The following PCLO variants were observed in gnomAD, a reference collection of about 807,000 sequenced individuals.
PCLO encodes the protein protein piccolo.
Under a neutral mutation model 427.5 loss-of-function variants are expected in PCLO, and 82 were observed. The ratio of observed to expected loss-of-function variants is 0.19; its 90% CI spans 0.16 to 0.23. The LOEUF (loss-of-function observed/expected upper bound fraction) is 0.23, where lower values mean the gene tolerates loss of function less well. Among genes scored for constraint, PCLO ranks in the 10% least tolerant of loss-of-function variants. The pLI is 1.00. For synonymous variants in PCLO, 2,357 were observed against 2,155.4 expected (o/e 1.09, Z -2.59); for missense variants, 6,239 against 6,115.9 (o/e 1.02, Z -0.67).
chr7:82,989,500 AT>A (rs1796330363), intron 3 of PCLO, among the ~76,000 whole-genome samples: 1 of 152,118 alleles, frequency 6.6e-6, no homozygotes, highest in African/African-American at 2.4e-5. Flanking sequence ...GAATATGTTC[AT>A]TTGAATATAA....
intron 9 of PCLO, among the ~76,000 whole-genome samples, chr7:82,896,580 C>T (rs1046899109): frequency 6.6e-6 from 1 of 151,480 alleles, no homozygotes; most frequent in South Asian, 2.1e-4. Context: ...GATGATTGCA[C>T]AAGTCCATAA....
At chr7:83,093,492 A>ATATATATATATTTTTTTTTTTTTT in intron 3 of PCLO, among the ~76,000 whole-genome samples, 2 of 59,318 alleles carry the variant, frequency 3.4e-5, no homozygotes, top group Admixed American at 5.8e-4. Context: ...ATATATATAT[A>ATATATATATATTTTTTTTTTTTTT]TTTTTTTTTT....
intron 3 of PCLO, among the ~76,000 whole-genome samples, chr7:83,083,055 CTA>C (rs1197006507): frequency 7.3e-6 from 1 of 136,182 alleles, no homozygotes; most frequent in Non-Finnish European, 1.5e-5. Context: ...ATACAATCAA[CTA>C]TTTTTTTAAA....
At chr7:82,890,256 A>G (rs886858110) in intron 9 of PCLO, among the ~76,000 whole-genome samples, 3 of 152,066 alleles carry the variant, frequency 2.0e-5, no homozygotes, top group African/African-American at 7.2e-5. Flanking sequence ...TTCCATTGGT[A>G]AAATTATTTG....
chr7:83,162,668 C>T lies in PCLO; in HGVS notation c.-76G>A. On this transcript the variant is annotated 5_prime_UTR_variant, in exon 1 of 25. Transcript: ENST00000333891. The stretch of plus-strand genomic sequence containing the variant: ...GTCGAGAAGCCCGCGGCCAGGGGAG[C>T]AGTCAGAGCCGGGGTCCGCCTCGGG... 6.9e-7 allele frequency: 1 copy of T among 1,459,172 alleles called. No homozygotes were observed. Among genetic ancestry groups the T allele is most frequent in the African/African-American group, 1.4e-5 (1 of 70,756 alleles). The allele number at this position is 1,459,172 out of a possible 1,614,324, so 90.4% of individuals were successfully genotyped here. A position where few individuals can be genotyped will look rare whatever the true frequency, so the allele number is the denominator to read the frequency against.
intron 24 of PCLO, among the ~76,000 whole-genome samples, chr7:82,759,153 T>C (rs1356126489): frequency 2.6e-5 from 4 of 152,072 alleles, no homozygotes; most frequent in Non-Finnish European, 1.5e-5. Context: ...TTATATTTAG[T>C]ATGAAATTTT....
In PCLO at chr7:82,951,873, G is replaced by A. The variant is rs751494902; in HGVS notation, c.9080C>T (p.Ser3027Leu). The A allele has an allele frequency of 2.5e-6, 4 of 1,612,536 alleles. No individual in the cohort carries two copies. The highest frequency in any genetic ancestry group is 1.7e-5 in the Admixed American group (1 of 59,968). ...ATACTGACCTGTAGTAACTCTCCCTGAAGTCAGATCTACTGCTGTGTCAGT... is the reference window on the plus strand; with the variant it reads ...ATACTGACCTGTAGTAACTCTCCCTAAAGTCAGATCTACTGCTGTGTCAGT... ...EGTDTAVDLT[S>L]GRVTTGEVMD... The change falls in exon 5 of 25, where the codon TCA becomes TTA. Residue 3027 changes from serine to leucine, a missense_variant. Coordinates refer to ENST00000333891, the MANE Select transcript of PCLO (RefSeq NM_033026.6).
At chr7:83,070,510 C>A (rs1171165229) in intron 3 of PCLO, among the ~76,000 whole-genome samples, 1 of 151,866 alleles carries the variant, frequency 6.6e-6, no homozygotes, top group Non-Finnish European at 1.5e-5. Context: ...GCCTCAGCCT[C>A]CCGAGTAGCT....
At chr7:82,784,010 T>C (rs1294693943) in intron 22 of PCLO, among the ~76,000 whole-genome samples, 1 of 152,164 alleles carries the variant, frequency 6.6e-6, no homozygotes, top group Non-Finnish European at 1.5e-5. Flanking sequence ...CTTCTCACTG[T>C]ATTAAATGAT....
At chr7:82,983,627 A>G (rs1253742225) in intron 3 of PCLO, among the ~76,000 whole-genome samples, 1 of 149,354 alleles carries the variant, frequency 6.7e-6, no homozygotes, top group Admixed American at 6.7e-5. Context: ...TTATATTTAT[A>G]TATGTATATA....
chr7:83,152,244 A>T (rs368128497), intron 2 of PCLO, among the ~76,000 whole-genome samples: 2 of 152,036 alleles, frequency 1.3e-5, no homozygotes, highest in East Asian at 3.9e-4. Context: ...GATTACAGGC[A>T]TGAGCCACCA....
At chr7:83,056,596 A>G (rs1404321707) in intron 3 of PCLO, among the ~76,000 whole-genome samples, 1 of 152,196 alleles carries the variant, frequency 6.6e-6, no homozygotes, top group Non-Finnish European at 1.5e-5. Context: ...TCTCATCTAT[A>G]TGTATATTCT....
chr7:82,986,375 G>T (rs2115809952), intron 3 of PCLO, among the ~76,000 whole-genome samples: 1 of 151,898 alleles, frequency 6.6e-6, no homozygotes, highest in East Asian at 1.9e-4. Context: ...AACAAAATAG[G>T]ATTTTTTTGT....
At chr7:83,050,709 T>C (rs956304780) in intron 3 of PCLO, among the ~76,000 whole-genome samples, 2 of 149,770 alleles carry the variant, frequency 1.3e-5, no homozygotes, top group African/African-American at 4.9e-5. Context: ...GGGAACAGCC[T>C]GGCCAACAGG....
chr7:83,017,453 T>C (rs1788235685), intron 3 of PCLO, among the ~76,000 whole-genome samples: 1 of 151,780 alleles, frequency 6.6e-6, no homozygotes, highest in Non-Finnish European at 1.5e-5. Flanking sequence ...CCAGAATAAC[T>C]AGAACAGGAG....
chr7:82,967,197 C>CTTTTT (rs766172385), intron 3 of PCLO, among the ~76,000 whole-genome samples: 15 of 133,184 alleles, frequency 1.1e-4, no homozygotes, highest in African/African-American at 3.2e-4. Context: ...TTCTTCTTTT[C>CTTTTT]TTTTTTTTTT....
At chr7:83,131,751 A>G (rs73389676) in intron 3 of PCLO, among the ~76,000 whole-genome samples, 13,214 of 151,876 alleles carry the variant, frequency 0.087, 1,971 homozygotes, top group African/African-American at 0.3. Context: ...AGGTCACAAG[A>G]AACATATTAC....
intron 3 of PCLO, among the ~76,000 whole-genome samples, chr7:83,046,412 T>G (rs1185163106): frequency 6.6e-6 from 1 of 152,054 alleles, no homozygotes; most frequent in African/African-American, 2.4e-5. Flanking sequence ...TGTATACCTA[T>G]GTTAAAGAAA....
intron 22 of PCLO, among the ~76,000 whole-genome samples, chr7:82,778,893 C>T (rs1261009952): frequency 7.0e-6 from 1 of 143,430 alleles, no homozygotes; most frequent in Non-Finnish European, 1.5e-5. Context: ...CTAGAAACAG[C>T]TCTATTTTAT....
Sources: gnomAD v4.1 joint callset for allele counts (sites outside exome capture counted in the v4.1 genomes callset) on GRCh38, gnomAD v4.1.1 for gene constraint, MANE v1.5 for transcripts, NCBI Gene and HGNC (gene_info 2026-07-23, HGNC 2026-07-21) for gene names.